AGBL1: variants seen among roughly 807,000 people sequenced by gnomAD.
AGBL1 encodes AGBL carboxypeptidase 1.
In AGBL1, 130 loss-of-function variants were observed where a neutral mutation model predicts 118.9. The ratio of observed to expected loss-of-function variants is 1.09; its 90% CI spans 0.95 to 1.26. The LOEUF is 1.26. Among genes scored for constraint, AGBL1 ranks in the 50% most tolerant of loss-of-function variants. AGBL1 has a pLI of 0.00. For missense variants in AGBL1, 1,584 were observed against 1,298.1 expected (o/e 1.22, Z -3.38); for synonymous variants, 555 against 478.9 (o/e 1.16, Z -2.08).
chr15:86,565,221 T>C (rs551672782), intron 21 of AGBL1, among the ~76,000 whole-genome samples: 4 of 152,366 alleles, frequency 2.6e-5, no homozygotes, highest in African/African-American at 9.6e-5. Context: ...TTTTTAGAAT[T>C]TTCAGCTTTC....
intron 24 of AGBL1, among the ~76,000 whole-genome samples, chr15:86,989,094 C>T (rs2081312878): frequency 2.0e-5 from 3 of 149,794 alleles, no homozygotes; most frequent in Non-Finnish European, 3.0e-5. Context: ...TTTGATCCTC[C>T]TGCTTCAAAT....
intron 6 of AGBL1, among the ~76,000 whole-genome samples, chr15:86,246,462 C>A (rs1042058398): frequency 6.6e-6 from 1 of 152,118 alleles, no homozygotes; most frequent in African/African-American, 2.4e-5. Flanking sequence ...GGCTTTCCTG[C>A]AGGGGTTATG....
chr15:86,570,463 C>T (rs974495963), intron 21 of AGBL1, among the ~76,000 whole-genome samples: 1 of 152,170 alleles, frequency 6.6e-6, no homozygotes, highest in African/African-American at 2.4e-5. Context: ...TTTCTTTAAT[C>T]AAGGGGTAGA....
chr15:86,227,908 A>T (rs1331775522), intron 6 of AGBL1, among the ~76,000 whole-genome samples: 1 of 152,214 alleles, frequency 6.6e-6, no homozygotes, highest in East Asian at 1.9e-4. Context: ...TAGAAAGTCC[A>T]ATGTGTGGGT....
At chr15:86,846,910 T>G (rs2079327398) in intron 22 of AGBL1, among the ~76,000 whole-genome samples, 1 of 152,220 alleles carries the variant, frequency 6.6e-6, no homozygotes, top group African/African-American at 2.4e-5. Context: ...CTGAGTCTTC[T>G]AAAATGTATG....
chr15:86,836,272 C>T (rs1288435008), intron 22 of AGBL1, among the ~76,000 whole-genome samples: 14 of 152,074 alleles, frequency 9.2e-5, no homozygotes, highest in Admixed American at 9.2e-4. Context: ...AAAATAGAAC[C>T]TGATGAAATC....
At chr15:86,146,533 G>A (rs1374560661) in intron 3 of AGBL1, among the ~76,000 whole-genome samples, 2 of 152,196 alleles carry the variant, frequency 1.3e-5, no homozygotes, top group African/African-American at 2.4e-5. Flanking sequence ...ACAAAGTATT[G>A]CATGTCACAT....
intron 5 of AGBL1, among the ~76,000 whole-genome samples, chr15:86,184,523 T>C (rs1181909128): frequency 1.3e-5 from 2 of 151,964 alleles, no homozygotes; most frequent in Non-Finnish European, 2.9e-5. Flanking sequence ...CCTGCCTGGC[T>C]AGGTTGGGGA....
chr15:86,185,140 C>A (rs2077610918), intron 5 of AGBL1, among the ~76,000 whole-genome samples: 3 of 152,122 alleles, frequency 2.0e-5, no homozygotes. Flanking sequence ...ATGCAGCCAA[C>A]AGACACATGA....
intron 18 of AGBL1, among the ~76,000 whole-genome samples, chr15:86,498,964 G>T (rs1156235648): frequency 6.6e-6 from 1 of 151,850 alleles, no homozygotes; most frequent in East Asian, 1.9e-4. Context: ...AAATAGAAAA[G>T]GGGATTTGGT....
chr15:86,170,805 C>T lies in AGBL1; in HGVS notation c.488+11779C>T, dbSNP rs1294760972. 3.3e-5 allele frequency among the ~76,000 whole-genome samples: 5 copies of T among 151,952 alleles called. No individual in the cohort carries two copies. The East Asian group carries it at 7.7e-4, about 24-fold the overall frequency. On this transcript the variant is annotated intron_variant, in intron 5 of 22. Transcript: ENST00000614907. ...ATGTTGCAGTGAGCCGAGATCACAC[C>T]ACTGCACTCCAGCCTGGGCGACTGA...
chr15:86,949,636 T>C lies in AGBL1; in HGVS notation c.3222-38351T>C, dbSNP rs563679857. 3.2e-4 allele frequency among the ~76,000 whole-genome samples: 49 copies of C among 152,182 alleles called. No individual in the cohort carries two copies. The South Asian group carries it at 9.9e-3, about 31-fold the overall frequency. On this transcript the variant is annotated intron_variant, in intron 23 of 24. Coordinates refer to the AGBL1 transcript ENST00000441037. Reference sequence around the variant, plus strand: ...TAACAAAAGGGTCAATCCACAAAAATCATAAAACTGCTAATGTTTTATGTG... The same window carrying C: ...TAACAAAAGGGTCAATCCACAAAAACCATAAAACTGCTAATGTTTTATGTG...
intron 20 of AGBL1, among the ~76,000 whole-genome samples, chr15:86,550,531 G>T (rs1479953244): frequency 1.3e-5 from 2 of 151,878 alleles, no homozygotes; most frequent in Non-Finnish European, 2.9e-5. Context: ...TAGAGCTAAG[G>T]GTGCAATTCA....
chr15:86,207,380 T>G (rs2078012121), intron 5 of AGBL1, among the ~76,000 whole-genome samples: 2 of 152,208 alleles, frequency 1.3e-5, no homozygotes, highest in South Asian at 4.1e-4. Flanking sequence ...GGGATGGCAT[T>G]GAATCTATAA....
intron 23 of AGBL1, among the ~76,000 whole-genome samples, chr15:86,929,014 C>CT (rs2080576880): frequency 6.6e-6 from 1 of 151,994 alleles, no homozygotes; most frequent in African/African-American, 2.4e-5. Context: ...TACTGAAACT[C>CT]TTTTTTTCAA....
chr15:86,311,716 C>T (rs1406574288), intron 17 of AGBL1, among the ~76,000 whole-genome samples: 1 of 152,064 alleles, frequency 6.6e-6, no homozygotes, highest in African/African-American at 2.4e-5. Context: ...TGTTTTTAGT[C>T]ACCTGTATCC....
intron 11 of AGBL1, among the ~76,000 whole-genome samples, chr15:86,266,075 G>A (rs1282586200): frequency 3.3e-5 from 5 of 152,136 alleles, no homozygotes; most frequent in African/African-American, 7.2e-5. Context: ...AAGTTCCAAA[G>A]TCCCCCAACG....
At chr15:86,696,110 G>A (rs2086252845) in intron 22 of AGBL1, among the ~76,000 whole-genome samples, 1 of 151,790 alleles carries the variant, frequency 6.6e-6, no homozygotes, top group Non-Finnish European at 1.5e-5. Flanking sequence ...TTTGTTTTAG[G>A]GTATAGTTTA....
intron 5 of AGBL1, among the ~76,000 whole-genome samples, chr15:86,176,994 G>C (rs1287901197): frequency 6.6e-6 from 1 of 152,126 alleles, no homozygotes; most frequent in African/African-American, 2.4e-5. Flanking sequence ...CCATGCCTCA[G>C]AGATTCCCTG....
Sources: allele counts gnomAD v4.1 joint callset (sites outside exome capture counted in the v4.1 genomes callset), GRCh38; gene constraint gnomAD v4.1.1; transcripts MANE v1.5; gene names NCBI Gene and HGNC (gene_info 2026-07-23, HGNC 2026-07-21).